HOXC4: variants seen among roughly 807,000 people sequenced by gnomAD.
HOXC4 encodes the protein homeobox C4, also known as homeobox protein Hox-C4.
Under a neutral mutation model 25.5 loss-of-function variants are expected in HOXC4, and 15 were observed. The observed-to-expected ratio is 0.59, with a 90% CI of 0.39 to 0.91. HOXC4 has a LOEUF of 0.91. Among genes scored for constraint, HOXC4 ranks in the 40% least tolerant of loss-of-function variants. The pLI, the probability that HOXC4 is intolerant of heterozygous loss-of-function variation, is 0.00. For synonymous variants in HOXC4, 165 were observed against 148.0 expected (o/e 1.11, Z -0.83); for missense variants, 342 against 352.4 (o/e 0.97, Z 0.24).
chr12:54,037,028 C>T (rs537407214), intron 1 of HOXC4, among the ~76,000 whole-genome samples: 1 of 152,348 alleles, frequency 6.6e-6, no homozygotes, highest in Admixed American at 6.5e-5. Flanking sequence ...TGGGCCTCTC[C>T]TTCCCTGGAG....
At chr12:54,042,045 C>T (rs1250558294) in intron 1 of HOXC4, among the ~76,000 whole-genome samples, 4 of 142,888 alleles carry the variant, frequency 2.8e-5, no homozygotes, top group African/African-American at 1.0e-4. Context: ...ATGGCAGGAT[C>T]TCAGCTCACC....
At chr12:54,040,859 G>A (rs1024425137) in intron 1 of HOXC4, among the ~76,000 whole-genome samples, 2 of 152,192 alleles carry the variant, frequency 1.3e-5, no homozygotes, top group African/African-American at 4.8e-5. Context: ...CTCAGGCATG[G>A]TTAGGGAAGG....
chr12:54,028,488 A>G, intron 1 of HOXC4: 1 of 1,592,138 alleles, frequency 6.3e-7, no homozygotes, highest in South Asian at 1.1e-5. Context: ...TAAATATTAA[A>G]GAAATCATAG....
At chr12:54,028,967 C>T in intron 1 of HOXC4, 1 of 1,532,274 alleles carries the variant, frequency 6.5e-7, no homozygotes, top group Non-Finnish European at 8.8e-7. Context: ...ACTGAACTGG[C>T]TTTATGACCG....
At chr12:54,033,608 G>A in intron 1 of HOXC4, 1 of 1,490,442 alleles carries the variant, frequency 6.7e-7, no homozygotes. Context: ...TGCGCTCTCG[G>A]GTCCGCCTGG....
intron 1 of HOXC4, chr12:54,034,031 T>C (rs1461985125): frequency 2.9e-6 from 2 of 688,270 alleles, no homozygotes. Flanking sequence ...GTCTCCCTCT[T>C]CCCCCCAACC....
chr12:54,030,680 G>GA (rs886939889), intron 1 of HOXC4: 1 of 152,584 alleles, frequency 6.6e-6, no homozygotes, highest in Non-Finnish European at 1.5e-5. Flanking sequence ...CAAAAAGAGA[G>GA]AAAAAAAGTG....
upstream of HOXC4, among the ~76,000 whole-genome samples, chr12:54,053,578 A>G (rs755643814): frequency 1.2e-4 from 19 of 152,184 alleles, no homozygotes; most frequent in African/African-American, 3.1e-4. Flanking sequence ...CAGTCCCCCA[A>G]TGCCCGGGCT....
At position 54,044,043 on chromosome 12, in the gene HOXC4, C is replaced by G. The variant is rs138572386; in HGVS notation, c.-123-9117C>G. 2.4e-3 allele frequency among the ~76,000 whole-genome samples: 358 copies of G among 151,416 alleles called. 1 individual carries two copies. The highest frequency in any genetic ancestry group is 8.4e-3 in the African/African-American group (344 of 41,186). On this transcript the variant is annotated intron_variant, in intron 1 of 3. Transcript: ENST00000303406. Reference sequence around the variant, plus strand: ...ATCCCCTGGGTGGAGGATGGGGGCACAGGCTGAGGTTTTATTGAGGGTGCT... The same window carrying G: ...ATCCCCTGGGTGGAGGATGGGGGCAGAGGCTGAGGTTTTATTGAGGGTGCT...
At chr12:54,023,666 CT>C (rs1940549312) in intron 1 of HOXC4, among the ~76,000 whole-genome samples, 1 of 152,196 alleles carries the variant, frequency 6.6e-6, no homozygotes, top group Admixed American at 6.5e-5. Context: ...AGCCCGGGCC[CT>C]GTCCCCAAAA....
chr12:54,018,667 A>G (rs1940280150), intron 1 of HOXC4, among the ~76,000 whole-genome samples: 1 of 152,220 alleles, frequency 6.6e-6, no homozygotes, highest in Non-Finnish European at 1.5e-5. Context: ...CCTGGGTCCG[A>G]GGCTCCGAGG....
intron 1 of HOXC4, among the ~76,000 whole-genome samples, chr12:54,029,398 GCCCCGCCC>G (rs1555185353): frequency 3.1e-5 from 2 of 65,394 alleles, no homozygotes; most frequent in Admixed American, 1.5e-4. Context: ...TTTGCCTTTT[GCCCCGCCC>G]CCCCGCCCCC....
At chr12:54,022,703 A>C (rs1940505478) in intron 1 of HOXC4, 1 of 152,096 alleles carries the variant, frequency 6.6e-6, no homozygotes, top group South Asian at 2.1e-4. Context: ...AAAGGAAAAA[A>C]CATGAAAGGA....
upstream of HOXC4, among the ~76,000 whole-genome samples, chr12:54,052,249 C>T (rs1004455031): frequency 6.6e-6 from 1 of 152,304 alleles, no homozygotes; most frequent in Admixed American, 6.5e-5. Context: ...ACAAAGAGTG[C>T]GGGCGATTCC....
At chr12:54,033,833 G>T (rs1039078560) in intron 1 of HOXC4, 19 of 542,130 alleles carry the variant, frequency 3.5e-5, no homozygotes, top group African/African-American at 2.1e-4. Flanking sequence ...AAAAATAGAG[G>T]GATCTGAAGG....
At chr12:54,021,418 A>G (rs565925692) in intron 1 of HOXC4, 4 of 152,406 alleles carry the variant, frequency 2.6e-5, no homozygotes, top group South Asian at 2.1e-4. Flanking sequence ...AGCACTGAGT[A>G]TGGGCTACCA....
intron 1 of HOXC4, chr12:54,029,511 CAAGGCAA>C (rs1413759739): frequency 5.2e-6 from 3 of 576,962 alleles, no homozygotes; most frequent in Non-Finnish European, 7.9e-6. Flanking sequence ...GGGGGTGGGG[CAAGGCAA>C]AAGGGAGAAG....
At chr12:54,043,612 G>A (rs1037979367) in intron 1 of HOXC4, among the ~76,000 whole-genome samples, 13 of 120,110 alleles carry the variant, frequency 1.1e-4, no homozygotes, top group South Asian at 9.2e-4. Flanking sequence ...CAAGCCCTGC[G>A]CAGCTGTTGA....
At chr12:54,049,724 G>A (rs905840943), upstream of HOXC4, among the ~76,000 whole-genome samples, 6 of 145,514 alleles carry the variant, frequency 4.1e-5, no homozygotes, top group Non-Finnish European at 7.4e-5. Flanking sequence ...CCTGGCTGCC[G>A]GCATTAGAAA....
Sources: allele counts gnomAD v4.1 joint callset (sites outside exome capture counted in the v4.1 genomes callset), GRCh38; gene constraint gnomAD v4.1.1; transcripts MANE v1.5; gene names NCBI Gene and HGNC (gene_info 2026-07-23, HGNC 2026-07-21).